Variants in SLC52A1 observed in about 807,000 individuals in gnomAD.
SLC52A1 encodes solute carrier family 52, riboflavin transporter, member 1.
SLC52A1 carries 20 observed loss-of-function variants against 23.2 expected under a neutral mutation model. The ratio of observed to expected loss-of-function variants is 0.86; its 90% CI spans 0.61 to 1.25. The LOEUF (loss-of-function observed/expected upper bound fraction) is 1.25. SLC52A1 is among the 50% of genes most tolerant of loss of function. The pLI, the probability that SLC52A1 is intolerant of heterozygous loss-of-function variation, is 0.00. For missense variants in SLC52A1, 528 were observed against 557.0 expected (o/e 0.95, Z 0.52); for synonymous variants, 260 against 256.6 (o/e 1.01, Z -0.13).
chr17:5,033,941 G>T lies in SLC52A1; in HGVS notation c.548C>A (p.Pro183His), dbSNP rs767915936. 2 of 1,614,204 alleles carry T rather than the reference G, an allele frequency of 1.2e-6. No homozygotes were observed. Among genetic ancestry groups the T allele is most frequent in the South Asian group, 2.2e-5 (2 of 91,086 alleles). Reference protein sequence around the residue: ...PPAPTNGTSGPPLDFPERFPA... With the variant: ...PPAPTNGTSGHPLDFPERFPA... ...AAAACGCTCAGGGAAGTCGAGGGGA[G>T]GCCCAGAGGTGCCATTGGTGGGCGC... Residue 183 changes from proline (P) to histidine (H), a missense_variant, in exon 3 of 5, where the codon CCT (proline) becomes CAT (histidine). Physicochemically the swap from Pro to His is moderately conservative, Grantham distance 77 (BLOSUM62 -2). Transcript: ENST00000254853.
chr17:5,037,788 G>T (rs1334241471), upstream of SLC52A1, among the ~76,000 whole-genome samples: 1 of 152,002 alleles, frequency 6.6e-6, no homozygotes, highest in Non-Finnish European at 1.5e-5. Flanking sequence ...CCTATTCTCA[G>T]TGATCATTAT....
chr17:5,039,152 G>A (rs993045238), upstream of SLC52A1, among the ~76,000 whole-genome samples: 5 of 151,226 alleles, frequency 3.3e-5, no homozygotes, highest in Non-Finnish European at 4.4e-5. Flanking sequence ...GTGAAACCCC[G>A]TCTCTACTAA....
chr17:5,039,048 G>A (rs1420808293), upstream of SLC52A1, among the ~76,000 whole-genome samples: 1 of 76 alleles, frequency 0.013, no homozygotes, highest in Non-Finnish European at 0.028. Context: ...TCAGCCGGGC[G>A]CGGTGGCCTC....
At chr17:5,034,430 T>G in intron 2 of SLC52A1, 47 bp downstream of exon 2, 4 of 1,611,542 alleles carry the variant, frequency 2.5e-6, no homozygotes, top group Non-Finnish European at 3.4e-6. Flanking sequence ...AGGCCACCTT[T>G]CTGGGCATAC....
Position 5,033,530 on chromosome 17 carries a change from C to A in SLC52A1, c.959G>T (p.Gly320Val). 1 of 1,613,540 alleles carries A rather than the reference C, an allele frequency of 6.2e-7. No individual in the cohort carries two copies. The highest frequency in any genetic ancestry group is 8.5e-7 in the Non-Finnish European group (1 of 1,179,834). Residue 320 changes from glycine (G) to valine (V), a missense_variant, in exon 3 of 5, where the codon GGC (glycine) becomes GTC (valine). Physicochemically the swap from Gly to Val is moderately radical, Grantham distance 109 (BLOSUM62 -3). Coordinates refer to ENST00000254853, the MANE Select transcript of SLC52A1 (RefSeq NM_017986.4). ...RLAYHLAVVL[G>V]SAANPLACFL... is the part of the protein sequence containing the mutation. ...GCAGGCAAGGGGGTTGGCGGCACTG[C>A]CCAGCACCACAGCCAGGTGGTAGGC...
In SLC52A1 at chr17:5,033,568, G is replaced by C. The variant is rs1483875358; in HGVS notation, c.921C>G (p.Pro307=). 8.7e-6 allele frequency: 14 copies of C among 1,613,910 alleles called. No individual in the cohort carries two copies. Among genetic ancestry groups the C allele is most frequent in the Non-Finnish European group, 1.1e-5 (13 of 1,179,984 alleles). ...CCAGGTGGTAGGCCAGGCGCCCATA[G>C]GGCAAACAGGAAAAGCTCTGCACAG... is the stretch of plus-strand genomic sequence containing the variant. ...LPSVQSFSCL[P]YGRLAYHLAV... Residue 307 remains proline (P), a synonymous_variant, in exon 3 of 5, where the codon CCC becomes CCG. Coordinates refer to ENST00000254853, the MANE Select transcript of SLC52A1 (RefSeq NM_017986.4).
At position 5,033,915 on chromosome 17, in the gene SLC52A1, G is replaced by A. The variant is rs1567734836; in HGVS notation, c.574C>T (p.Pro192Ser). 1.2e-6 allele frequency: 2 copies of A among 1,614,220 alleles called. No individual in the cohort carries two copies. Among genetic ancestry groups the A allele is most frequent in the Admixed American group, 1.7e-5 (1 of 60,032 alleles). Residue 192 changes from proline (P) to serine (S), a missense_variant, in exon 3 of 5, where the codon CCT becomes TCT. By Grantham distance (74) the Pro-to-Ser change is moderately conservative. Coordinates refer to ENST00000254853, the MANE Select transcript of SLC52A1 (RefSeq NM_017986.4). The stretch of plus-strand genomic sequence containing the variant: ...AGTGCCCAGAAGAAGGTGCTGGCAG[G>A]AAAACGCTCAGGGAAGTCGAGGGGA... ...GPPLDFPERF[P>S]ASTFFWALTA...
rs1205555982 is a variant in SLC52A1 at position 5,033,620 on chromosome 17, C to T, written c.869G>A (p.Ser290Asn). The T allele has an allele frequency of 1.3e-5, 21 of 1,613,938 alleles. No homozygotes were observed. Among genetic ancestry groups the T allele is most frequent in the Middle Eastern group, 1.6e-4 (1 of 6,084 alleles). ...AGGCAGCACGCCATTGGTCACGGCA[C>T]TGGTGAAGGCCATCAGGCCCAGCAG... is the stretch of plus-strand genomic sequence containing the variant. ...AFLLGLMAFTSAVTNGVLPSV... is the reference protein window; with the variant it reads ...AFLLGLMAFTNAVTNGVLPSV... The change falls in exon 3 of 5, where the codon AGT (serine) becomes AAT (asparagine). Residue 290 changes from serine to asparagine, a missense_variant. Coordinates refer to ENST00000254853, the MANE Select transcript of SLC52A1 (RefSeq NM_017986.4).
chr17:5,037,764 A>G (rs1240693662), upstream of SLC52A1, among the ~76,000 whole-genome samples: 2 of 152,184 alleles, frequency 1.3e-5, no homozygotes, highest in East Asian at 3.9e-4. Flanking sequence ...CACTTTGTCT[A>G]TTTCACTACC....
At chr17:5,034,765 G>T in intron 1 of SLC52A1, 52 bp from the exon 2 acceptor site, 2 of 951,362 alleles carry the variant, frequency 2.1e-6, no homozygotes. Context: ...GACAGAACCG[G>T]AGTCAGAAGA....
At chr17:5,040,903 C>A (rs576359124) in intron 1 of SLC52A1, among the ~76,000 whole-genome samples, 1 of 151,612 alleles carries the variant, frequency 6.6e-6, no homozygotes, top group South Asian at 2.1e-4. Flanking sequence ...TCACGCCATT[C>A]TTCTGCCTCA....
chr17:5,039,501 C>G (rs1167721983), upstream of SLC52A1, among the ~76,000 whole-genome samples: 1 of 152,104 alleles, frequency 6.6e-6, no homozygotes, highest in Non-Finnish European at 1.5e-5. Flanking sequence ...TTGACAATTT[C>G]TCACTCTGCC....
Position 5,034,118 on chromosome 17 carries a change from G to A in SLC52A1, c.371C>T (p.Ala124Val), listed in dbSNP as rs146289149. 8.4e-4 allele frequency: 1,364 copies of A among 1,614,206 alleles called. 12 individuals carry two copies. The African/African-American group carries it at 0.015, about 17-fold the overall frequency. The change falls in exon 3 of 5, where the codon GCC becomes GTC. Residue 124 changes from alanine (A) to valine (V), a missense_variant. Ala to Val is a moderately conservative substitution (Grantham distance 64). Coordinates refer to ENST00000254853, the MANE Select transcript of SLC52A1 (RefSeq NM_017986.4). The part of the protein sequence containing the change: ...FLTLALVLAM[A>V]CCTSNVTFLP... ...GAAAGTGACATTAGAGGTACAACAG[G>A]CCATTGCCAACACCAAGGCCAGAGT...
Position 5,032,641 on chromosome 17 carries a change from T to G in SLC52A1, c.*316A>C. ...TATTTAATCCAGTTTCCTGATTTCA[T>G]TATATATTTCTTATAAGGTTTTCAT... On this transcript the variant is annotated 3_prime_UTR_variant, in exon 5 of 5. Coordinates refer to ENST00000254853, the MANE Select transcript of SLC52A1 (RefSeq NM_017986.4). 1 of 252,822 alleles carries G rather than the reference T, an allele frequency of 4.0e-6. No homozygotes were observed. Among genetic ancestry groups the G allele is most frequent in the African/African-American group, 2.2e-5 (1 of 45,122 alleles). The allele number at this position is 252,822 out of a possible 1,614,324, so 15.7% of individuals were successfully genotyped here.
chr17:5,037,920 T>TTC (rs1975494023), upstream of SLC52A1, among the ~76,000 whole-genome samples: 1 of 143,586 alleles, frequency 7.0e-6, no homozygotes, highest in African/African-American at 2.6e-5. Context: ...CTTCCTTTTT[T>TTC]TTTTTTTTTT....
At chr17:5,041,042 G>A (rs1157343477) in intron 1 of SLC52A1, among the ~76,000 whole-genome samples, 1 of 151,824 alleles carries the variant, frequency 6.6e-6, no homozygotes, top group Admixed American at 6.6e-5. Context: ...TGATCCACCC[G>A]CCTCGGCCTC....
chr17:5,033,586 C>G lies in SLC52A1; in HGVS notation c.903G>C (p.Gln301His). 1 of 1,613,998 alleles carries G rather than the reference C, an allele frequency of 6.2e-7. No individual in the cohort carries two copies. Among genetic ancestry groups the G allele is most frequent in the Non-Finnish European group, 8.5e-7 (1 of 1,180,012 alleles). The change falls in exon 3 of 5, where the codon CAG (glutamine) becomes CAC (histidine). Residue 301 changes from glutamine to histidine, a missense_variant. By Grantham distance (24) the Gln-to-His change is conservative (BLOSUM62 0). Transcript: ENST00000254853. ...AVTNGVLPSV[Q>H]SFSCLPYGRL... ...GCCCATAGGGCAAACAGGAAAAGCT[C>G]TGCACAGAAGGCAGCACGCCATTGG...
Position 5,034,686 on chromosome 17 carries a change from G to T in SLC52A1, c.-80C>A, listed in dbSNP as rs554360538. The T allele has an allele frequency of 3.2e-6, 5 of 1,571,074 alleles. No individual in the cohort carries two copies. Among genetic ancestry groups the T allele is most frequent in the Non-Finnish European group, 8.6e-7 (1 of 1,159,156 alleles). Reference sequence around the variant, plus strand: ...CCTAGGTAGGTCCAAAGATGCTTTGGTTCTTCTGGAAACTGAAGACCTTCT... The same window carrying T: ...CCTAGGTAGGTCCAAAGATGCTTTGTTTCTTCTGGAAACTGAAGACCTTCT... On this transcript the variant is annotated 5_prime_UTR_variant, in exon 2 of 5. Coordinates refer to ENST00000254853, the MANE Select transcript of SLC52A1 (RefSeq NM_017986.4).
chr17:5,034,317 C>T lies in SLC52A1; in HGVS notation c.172G>A (p.Gly58Arg). ...GTCACCACCAGCAGACCCAGGTTTC[C>T]CAGCGCCACAACCACAGAGAGGTAT... The part of the protein sequence containing the change: ...PSYLSVVVAL[G>R]NLGLLVVTLW... The change falls in exon 3 of 5, where the codon GGA becomes AGA. Residue 58 changes from glycine to arginine, a missense_variant. Coordinates refer to ENST00000254853, the MANE Select transcript of SLC52A1 (RefSeq NM_017986.4). 3.8e-6 allele frequency: 6 copies of T among 1,590,912 alleles called. No individual in the cohort carries two copies. The highest frequency in any genetic ancestry group is 5.1e-6 in the Non-Finnish European group (6 of 1,168,862).
Sources: gnomAD v4.1 joint callset for allele counts (sites outside exome capture counted in the v4.1 genomes callset) on GRCh38, gnomAD v4.1.1 for gene constraint, MANE v1.5 for transcripts, NCBI Gene and HGNC (gene_info 2026-07-23, HGNC 2026-07-21) for gene names.